STIMATE: variants seen among roughly 807,000 people sequenced by gnomAD.
The protein encoded by STIMATE is store-operated calcium entry regulator STIMATE.
STIMATE carries 15 observed loss-of-function variants against 36.7 expected under a neutral mutation model. The ratio of observed to expected loss-of-function variants is 0.41; its 90% CI spans 0.27 to 0.63. STIMATE has a LOEUF of 0.63. Ranked by LOEUF, STIMATE falls within the 20% of genes least tolerant of loss-of-function variation. The probability of loss-of-function intolerance (pLI) is 0.32; values close to 1 mark genes in which losing one functional copy is unlikely to be tolerated. For missense variants in STIMATE, 305 were observed against 397.3 expected (o/e 0.77, Z 1.98); for synonymous variants, 163 against 162.3 (o/e 1.00, Z -0.03).
At chr3:52,846,073 A>C (rs979665645) in intron 4 of STIMATE, among the ~76,000 whole-genome samples, 1 of 152,244 alleles carries the variant, frequency 6.6e-6, no homozygotes, top group Non-Finnish European at 1.5e-5. Context: ...CCCATGCTGG[A>C]GGCCCATGCC....
At chr3:52,870,146 C>T (rs755788938) in intron 1 of STIMATE, among the ~76,000 whole-genome samples, 13 of 152,238 alleles carry the variant, frequency 8.5e-5, no homozygotes, top group East Asian at 3.9e-4. Flanking sequence ...TTTGTAGAGA[C>T]GGGGTTTCAC....
chr3:52,841,062 C>T (rs1482014905), intron 7 of STIMATE, among the ~76,000 whole-genome samples: 4 of 152,200 alleles, frequency 2.6e-5, no homozygotes, highest in African/African-American at 4.8e-5. Context: ...CTCAATGAGA[C>T]GTGCTAGCCT....
chr3:52,852,938 A>C (rs1701033659), intron 2 of STIMATE, among the ~76,000 whole-genome samples: 1 of 152,174 alleles, frequency 6.6e-6, no homozygotes, highest in Non-Finnish European at 1.5e-5. Flanking sequence ...ATACGTTTTA[A>C]ATTTTTTTCT....
intron 1 of STIMATE, among the ~76,000 whole-genome samples, chr3:52,860,288 G>T (rs1188606658): frequency 6.6e-6 from 1 of 152,116 alleles, no homozygotes; most frequent in Non-Finnish European, 1.5e-5. Flanking sequence ...GGCAGACAGT[G>T]CCAAGCATGG....
At chr3:52,888,398 C>T (rs1424623937) in intron 1 of STIMATE, among the ~76,000 whole-genome samples, 2 of 152,184 alleles carry the variant, frequency 1.3e-5, no homozygotes, top group African/African-American at 4.8e-5. Context: ...GCAGAGAGCC[C>T]TGCTCGATGT....
At position 52,840,599 on chromosome 3, in the gene STIMATE, T is replaced by C. The variant is rs1700779889; in HGVS notation, c.780A>G (p.Ser260=). The C allele has an allele frequency of 6.2e-7, 1 of 1,613,330 alleles. No individual in the cohort carries two copies. Among genetic ancestry groups the C allele is most frequent in the Non-Finnish European group, 8.5e-7 (1 of 1,179,720 alleles). Residue 260 remains serine (S), a synonymous_variant, in exon 8 of 8, where the codon TCA becomes TCG. Coordinates refer to ENST00000355083, the MANE Select transcript of STIMATE (RefSeq NM_198563.5). ...CGGACTCCTCCATCTCATCATCCGC[T>C]GAGATCAGGATCTGAGGCAGTAGAG... is the stretch of plus-strand genomic sequence containing the variant. ...HEESESEILI[S]ADDEMEESDV...
At chr3:52,879,199 T>C (rs773682997) in intron 1 of STIMATE, among the ~76,000 whole-genome samples, 62 of 152,256 alleles carry the variant, frequency 4.1e-4, no homozygotes, top group Non-Finnish European at 7.1e-4. Context: ...ACCATACAAG[T>C]TGTGTAACTA....
intron 1 of STIMATE, among the ~76,000 whole-genome samples, chr3:52,859,451 G>A (rs1701167872): frequency 8.2e-6 from 1 of 121,974 alleles, no homozygotes; most frequent in Admixed American, 1.0e-4. Context: ...AAGATCGCCT[G>A]AGGCCAGGAG....
chr3:52,897,460 C>T lies in STIMATE; in HGVS notation c.-10G>A. 3 of 1,307,062 alleles carry T rather than the reference C, an allele frequency of 2.3e-6. No homozygotes were observed. Among genetic ancestry groups the T allele is most frequent in the Non-Finnish European group, 2.9e-6 (3 of 1,031,666 alleles). The allele number at this position is 1,307,062 out of a possible 1,614,324, so 81.0% of individuals were successfully genotyped here. On this transcript the variant is annotated 5_prime_UTR_variant, in exon 1 of 8. Transcript: ENST00000355083. ...CGGCGGGGCCCTGCATGACAGGCCT[C>T]GCGGGAGGGGCGCGAGGGCCCAGGG...
chr3:52,895,297 C>T (rs372094723), intron 1 of STIMATE, among the ~76,000 whole-genome samples: 2 of 152,342 alleles, frequency 1.3e-5, no homozygotes, highest in African/African-American at 4.8e-5. Flanking sequence ...GTCCAGCTCC[C>T]AGAGTACCAT....
chr3:52,862,480 C>T (rs925339605), intron 1 of STIMATE, among the ~76,000 whole-genome samples: 6 of 152,236 alleles, frequency 3.9e-5, no homozygotes, highest in African/African-American at 1.4e-4. Context: ...ATGCTGTGTA[C>T]CATCTAACTT....
chr3:52,847,209 G>C, intron 4 of STIMATE: 1 of 1,124,630 alleles, frequency 8.9e-7, no homozygotes, highest in Non-Finnish European at 1.1e-6. Context: ...ACTGCACCTG[G>C]ACCTTGTGTG....
chr3:52,868,882 A>G (rs1487074736), intron 1 of STIMATE, among the ~76,000 whole-genome samples: 1 of 152,206 alleles, frequency 6.6e-6, no homozygotes, highest in Non-Finnish European at 1.5e-5. Flanking sequence ...GGCCTCCCAA[A>G]GTGCTGAGAT....
intron 1 of STIMATE, among the ~76,000 whole-genome samples, chr3:52,858,444 G>A (rs1307224967): frequency 1.3e-5 from 2 of 152,010 alleles, no homozygotes; most frequent in East Asian, 1.9e-4. Context: ...GCAACACCGT[G>A]AGACTCCATC....
Position 52,840,446 on chromosome 3 carries a change from C to A in STIMATE, c.*48G>T, listed in dbSNP as rs1350693456. 8 of 1,599,676 alleles carry A rather than the reference C, an allele frequency of 5.0e-6. No homozygotes were observed. Among genetic ancestry groups the A allele is most frequent in the Middle Eastern group, 1.7e-4 (1 of 5,814 alleles). On this transcript the variant is annotated 3_prime_UTR_variant, in exon 8 of 8. Coordinates refer to ENST00000355083, the MANE Select transcript of STIMATE (RefSeq NM_198563.5). ...ACGATGCTGCGGGATGACCTCTGCA[C>A]ACCAGCGGCTGGCGGGGCCCTCCCG...
At chr3:52,870,645 C>T (rs924643396) in intron 1 of STIMATE, among the ~76,000 whole-genome samples, 4 of 151,486 alleles carry the variant, frequency 2.6e-5, no homozygotes, top group Non-Finnish European at 5.9e-5. Context: ...TGTCCTGCTG[C>T]GCGGGCAGGG....
rs1212202258 is a variant in STIMATE, at chr3:52,836,888, C to T, written c.*3606G>A. On this transcript the variant is annotated 3_prime_UTR_variant, in exon 8 of 8. Coordinates refer to ENST00000355083, the MANE Select transcript of STIMATE (RefSeq NM_198563.5). ...CCCACTGGATGGCTGCTGAAGTGGG[C>T]CATGGTTTTCCTTGCATAGGTCTGA... 4.4e-6 allele frequency: 1 copy of T among 229,118 alleles called. No homozygotes were observed. Among genetic ancestry groups the T allele is most frequent in the Non-Finnish European group, 9.1e-6 (1 of 110,128 alleles). The allele number at this position is 229,118 out of a possible 1,614,324, so 14.2% of individuals were successfully genotyped here.
intron 3 of STIMATE, among the ~76,000 whole-genome samples, chr3:52,850,339 G>A (rs1700975720): frequency 6.6e-6 from 1 of 152,200 alleles, no homozygotes; most frequent in Non-Finnish European, 1.5e-5. Context: ...GGCTGAGGCA[G>A]GGGAATCACT....
intron 1 of STIMATE, among the ~76,000 whole-genome samples, chr3:52,873,886 C>T (rs1298098749): frequency 6.6e-6 from 1 of 152,250 alleles, no homozygotes; most frequent in Non-Finnish European, 1.5e-5. Flanking sequence ...CACCACTACA[C>T]TGCTAACTCC....
Sources: allele counts gnomAD v4.1 joint callset (sites outside exome capture counted in the v4.1 genomes callset), GRCh38; gene constraint gnomAD v4.1.1; transcripts MANE v1.5; gene names NCBI Gene and HGNC (gene_info 2026-07-23, HGNC 2026-07-21).